NCAM2: variants seen among roughly 807,000 people sequenced by gnomAD.
The protein encoded by NCAM2 is neural cell adhesion molecule 2, also known as N-CAM-2.
NCAM2 carries 30 observed loss-of-function variants against 98.1 expected under a neutral mutation model. The ratio of observed to expected loss-of-function variants is 0.31; its 90% confidence interval spans 0.23 to 0.41. NCAM2 has a LOEUF of 0.41. NCAM2 is among the 10% of genes least tolerant of loss of function. The probability of loss-of-function intolerance (pLI) is 1.00; values close to 1 mark genes in which losing one functional copy is unlikely to be tolerated. For missense variants in NCAM2, 867 were observed against 1,005.8 expected, an observed-to-expected ratio of 0.86 and a Z score of 1.87; for synonymous variants, 368 against 342.4, an observed-to-expected ratio of 1.07 and a Z score of -0.83.
At chr21:21,218,094 G>A (rs1390852686) in intron 1 of NCAM2, among the ~76,000 whole-genome samples, 1 of 152,100 alleles carries the variant, frequency 6.6e-6, no homozygotes, top group Non-Finnish European at 1.5e-5. Context: ...ATAATAAATG[G>A]GTGTTGTTTA....
intron 1 of NCAM2, among the ~76,000 whole-genome samples, chr21:21,163,179 C>T (rs565614009): frequency 6.6e-6 from 1 of 152,242 alleles, no homozygotes; most frequent in African/African-American, 2.4e-5. Context: ...ATACATTCAG[C>T]AATTCCACTG....
intron 1 of NCAM2, among the ~76,000 whole-genome samples, chr21:21,238,112 C>T (rs750521768): frequency 1.3e-4 from 19 of 151,826 alleles, no homozygotes; most frequent in African/African-American, 4.1e-4. Context: ...CGTGCCACCA[C>T]GCCCGGCCAA....
intron 16 of NCAM2, among the ~76,000 whole-genome samples, chr21:21,521,358 C>T (rs1190635329): frequency 6.6e-6 from 1 of 152,144 alleles, no homozygotes; most frequent in Non-Finnish European, 1.5e-5. Flanking sequence ...TACCCCTACT[C>T]AGTATGTTAT....
chr21:21,197,766 G>C (rs73896604), intron 1 of NCAM2, among the ~76,000 whole-genome samples: 3 of 152,156 alleles, frequency 2.0e-5, no homozygotes, highest in Non-Finnish European at 4.4e-5. Flanking sequence ...AGAGATGACT[G>C]GGATCATAAG....
At chr21:21,228,702 C>T (rs2070493058) in intron 1 of NCAM2, among the ~76,000 whole-genome samples, 1 of 151,336 alleles carries the variant, frequency 6.6e-6, no homozygotes, top group Non-Finnish European at 1.5e-5. Flanking sequence ...AAAGATAAAA[C>T]TCTTCATAGG....
intron 1 of NCAM2, among the ~76,000 whole-genome samples, chr21:21,182,911 CA>C (rs1386579853): frequency 6.6e-6 from 1 of 152,050 alleles, no homozygotes; most frequent in Non-Finnish European, 1.5e-5. Context: ...TTCTGTGAGA[CA>C]AAATAAATAG....
intron 14 of NCAM2, among the ~76,000 whole-genome samples, chr21:21,476,922 T>A (rs1569103299): frequency 6.6e-6 from 1 of 151,990 alleles, no homozygotes; most frequent in Non-Finnish European, 1.5e-5. Flanking sequence ...ATACTAAGTT[T>A]TTTCTGTGTA....
rs1431103799 is a variant in NCAM2 at position 21,468,267 on chromosome 21, T to A, written c.1775-395T>A. ...GGTATATATTCCATACAGACTGATG[T>A]GTTAATGTATTCATATTAATAAATG... On this transcript the variant is annotated intron_variant, in intron 13 of 17. Coordinates refer to ENST00000400546, the MANE Select transcript of NCAM2 (RefSeq NM_004540.5). 2.6e-5 allele frequency among the ~76,000 whole-genome samples: 4 copies of A among 152,000 alleles called. No individual in the cohort carries two copies. In the South Asian group the frequency reaches 6.2e-4, roughly 24 times the overall value.
chr21:21,441,057 T>C (rs1221782787), intron 12 of NCAM2, among the ~76,000 whole-genome samples: 1 of 152,194 alleles, frequency 6.6e-6, no homozygotes, highest in Non-Finnish European at 1.5e-5. Context: ...CAAACATACT[T>C]TTCTCTCTTG....
intron 12 of NCAM2, among the ~76,000 whole-genome samples, chr21:21,435,433 G>T (rs946745478): frequency 3.9e-5 from 6 of 152,070 alleles, no homozygotes; most frequent in African/African-American, 1.4e-4. Context: ...GCATCACTGC[G>T]CTTTCTTCTG....
intron 1 of NCAM2, among the ~76,000 whole-genome samples, chr21:21,131,587 A>G (rs1014541724): frequency 6.6e-6 from 1 of 152,210 alleles, no homozygotes; most frequent in African/African-American, 2.4e-5. Flanking sequence ...TATAATTTAT[A>G]TATACAAATT....
intron 15 of NCAM2, 148 bp from the exon 16 acceptor site, chr21:21,508,703 G>A (rs1400478189): frequency 1.7e-6 from 1 of 582,744 alleles, no homozygotes; most frequent in East Asian, 3.2e-5. Flanking sequence ...AATTCTGCCG[G>A]TTACTATGAC....
chr21:21,468,002 C>T (rs888493475), intron 13 of NCAM2, among the ~76,000 whole-genome samples: 1 of 151,996 alleles, frequency 6.6e-6, no homozygotes, highest in African/African-American at 2.4e-5. Context: ...ATAGAAAATT[C>T]TTGCACTTTG....
At chr21:21,067,967 A>G (rs1180809039) in intron 1 of NCAM2, among the ~76,000 whole-genome samples, 1 of 152,016 alleles carries the variant, frequency 6.6e-6, no homozygotes, top group African/African-American at 2.4e-5. Flanking sequence ...TTGTCTTCCA[A>G]AAAGTGCTAT....
chr21:21,167,623 C>T (rs1022896400), intron 1 of NCAM2, among the ~76,000 whole-genome samples: 11 of 152,052 alleles, frequency 7.2e-5, no homozygotes, highest in Non-Finnish European at 1.5e-4. Context: ...TGATTGATAT[C>T]AGGAATGAAA....
intron 1 of NCAM2, among the ~76,000 whole-genome samples, chr21:21,213,651 C>G (rs1001208451): frequency 1.3e-5 from 2 of 152,068 alleles, no homozygotes; most frequent in African/African-American, 4.8e-5. Context: ...AGACTCAGGC[C>G]CATTTGAAAC....
chr21:21,301,719 CA>C (rs1432448525), intron 5 of NCAM2, among the ~76,000 whole-genome samples: 1 of 151,140 alleles, frequency 6.6e-6, no homozygotes, highest in East Asian at 2.0e-4. Context: ...ATGAACTCAT[CA>C]TTTTTTATGG....
At chr21:21,080,732 A>G (rs992834138) in intron 1 of NCAM2, among the ~76,000 whole-genome samples, 2 of 151,280 alleles carry the variant, frequency 1.3e-5, no homozygotes, top group African/African-American at 4.9e-5. Context: ...TTATTGTAGA[A>G]TTATTCGGGT....
intron 1 of NCAM2, among the ~76,000 whole-genome samples, chr21:21,221,337 A>G (rs1355913026): frequency 1.3e-5 from 2 of 149,320 alleles, no homozygotes; most frequent in East Asian, 4.0e-4. Flanking sequence ...TCAATTTAAA[A>G]CAAAATACAG....
Sources: allele counts gnomAD v4.1 joint callset (sites outside exome capture counted in the v4.1 genomes callset), GRCh38; gene constraint gnomAD v4.1.1; transcripts MANE v1.5; gene names NCBI Gene and HGNC (gene_info 2026-07-23, HGNC 2026-07-21).